FARP1: variants seen among roughly 807,000 people sequenced by gnomAD.
The protein encoded by FARP1 is FERM, ARH/RhoGEF and pleckstrin domain protein 1.
In FARP1, 52 loss-of-function variants were observed where a neutral mutation model predicts 128.8. The ratio of observed to expected loss-of-function variants is 0.40; its 90% CI spans 0.32 to 0.51. The LOEUF is 0.51. Ranked by LOEUF, FARP1 falls within the 20% of genes least tolerant of loss-of-function variation. FARP1 has a pLI of 0.45. For synonymous variants in FARP1, 580 were observed against 551.8 expected (o/e 1.05, Z -0.72); for missense variants, 1,333 against 1,367.9 (o/e 0.97, Z 0.40).
chr13:98,393,810 G>A (rs1419859251), intron 12 of FARP1, 92 bp downstream of exon 12: 4 of 935,370 alleles, frequency 4.3e-6, no homozygotes, highest in East Asian at 5.1e-5. Flanking sequence ...CTTGTTCTCT[G>A]TCCTTTCCTT....
chr13:98,450,405 C>T lies in FARP1; in HGVS notation c.*2088C>T, dbSNP rs943211289. The stretch of plus-strand genomic sequence containing the variant: ...ACAAAATGCTACATACAGAACCAAA[C>T]CAGCCACTTCACAAGAGCAATGCAG... On this transcript the variant is annotated 3_prime_UTR_variant, in exon 27 of 27. Coordinates refer to ENST00000319562, the MANE Select transcript of FARP1 (RefSeq NM_005766.4). 1 of 152,162 alleles carries T rather than the reference C, an allele frequency of 6.6e-6. No homozygotes were observed. The highest frequency in any genetic ancestry group is 6.5e-5 in the Admixed American group (1 of 15,276). The allele number at this position is 152,162 out of a possible 1,614,324, so 9.4% of individuals were successfully genotyped here. A position where few individuals can be genotyped will look rare whatever the true frequency, so the allele number is the denominator to read the frequency against.
At chr13:98,234,677 G>A (rs1882319502) in intron 2 of FARP1, 1 of 152,162 alleles carries the variant, frequency 6.6e-6, no homozygotes, top group Non-Finnish European at 1.5e-5. Flanking sequence ...TAAGTTAGAA[G>A]TATTGACAAG....
In FARP1 at chr13:98,314,016, C is replaced by T. The variant is rs566198526; in HGVS notation, c.172-29746C>T. Reference sequence around the variant, plus strand: ...CAGGTTGCCAAGGCTGCCCAAGCTACAGGTCCCTCTTGTGTAACACGGATT... The same window carrying T: ...CAGGTTGCCAAGGCTGCCCAAGCTATAGGTCCCTCTTGTGTAACACGGATT... On this transcript the variant is annotated intron_variant, in intron 2 of 26. Transcript: ENST00000319562. Among the ~76,000 whole-genome samples the T allele has an allele frequency of 2.0e-4, 30 of 152,326 alleles. No individual in the cohort carries two copies. The Middle Eastern group carries it at 0.01, about 52-fold the overall frequency.
chr13:98,226,706 T>C (rs548677688), intron 2 of FARP1, among the ~76,000 whole-genome samples: 2 of 152,292 alleles, frequency 1.3e-5, no homozygotes, highest in South Asian at 2.1e-4. Context: ...TTAAATCACA[T>C]GTATGTGTAC....
chr13:98,240,244 C>T (rs772586781), intron 2 of FARP1, among the ~76,000 whole-genome samples: 31 of 152,162 alleles, frequency 2.0e-4, no homozygotes, highest in Admixed American at 2.0e-3. Flanking sequence ...AAAAGGAACA[C>T]GCGATGACGA....
intron 16 of FARP1, among the ~76,000 whole-genome samples, chr13:98,416,263 A>T (rs893487022): frequency 3.3e-5 from 5 of 152,246 alleles, no homozygotes; most frequent in African/African-American, 1.2e-4. Context: ...ATGGAAAGAG[A>T]TCTAAAGTAT....
chr13:98,352,072 A>G (rs1888457317), intron 3 of FARP1, among the ~76,000 whole-genome samples: 1 of 152,132 alleles, frequency 6.6e-6, no homozygotes, highest in Non-Finnish European at 1.5e-5. Flanking sequence ...GATCTTCTCA[A>G]ACCCAAGGCC....
chr13:98,261,961 G>A (rs769771423), intron 2 of FARP1, among the ~76,000 whole-genome samples: 7 of 151,858 alleles, frequency 4.6e-5, no homozygotes, highest in Non-Finnish European at 1.0e-4. Context: ...TCCTTTAACT[G>A]CCCTCCTTGT....
intron 16 of FARP1, among the ~76,000 whole-genome samples, chr13:98,412,993 G>T (rs551478958): frequency 6.6e-6 from 1 of 152,342 alleles, no homozygotes; most frequent in Non-Finnish European, 1.5e-5. Flanking sequence ...GCCTGAAGGA[G>T]CCCTATGTGA....
intron 24 of FARP1, among the ~76,000 whole-genome samples, chr13:98,441,256 G>T (rs953778571): frequency 2.0e-5 from 3 of 152,192 alleles, no homozygotes; most frequent in Admixed American, 6.5e-5. Context: ...GAGTCTGCAC[G>T]ATGGCAAGCA....
chr13:98,415,985 G>T (rs957721748), intron 16 of FARP1, among the ~76,000 whole-genome samples: 1 of 152,288 alleles, frequency 6.6e-6, no homozygotes, highest in African/African-American at 2.4e-5. Flanking sequence ...AAATGGCACA[G>T]TGTCTGGAAG....
chr13:98,282,000 G>T (rs1884958436), intron 2 of FARP1, among the ~76,000 whole-genome samples: 1 of 152,164 alleles, frequency 6.6e-6, no homozygotes, highest in South Asian at 2.1e-4. Flanking sequence ...TTACTCCTTA[G>T]TTCCTCATTC....
At chr13:98,259,747 G>A (rs376390788) in intron 2 of FARP1, among the ~76,000 whole-genome samples, 1 of 152,082 alleles carries the variant, frequency 6.6e-6, no homozygotes, top group African/African-American at 2.4e-5. Flanking sequence ...AAGAGAAGGG[G>A]ACAGAGGTTG....
intron 2 of FARP1, among the ~76,000 whole-genome samples, chr13:98,230,058 A>G (rs912410861): frequency 6.6e-6 from 1 of 152,232 alleles, no homozygotes; most frequent in Non-Finnish European, 1.5e-5. Context: ...CTAGTACCGT[A>G]GGATAAATGA....
intron 1 of FARP1, among the ~76,000 whole-genome samples, chr13:98,188,354 C>T (rs1025617652): frequency 3.3e-5 from 5 of 152,138 alleles, no homozygotes; most frequent in South Asian, 2.1e-4. Flanking sequence ...GAGTTCGAGA[C>T]CAGCCTGACC....
At chr13:98,255,103 T>C (rs1371818806) in intron 2 of FARP1, among the ~76,000 whole-genome samples, 1 of 152,180 alleles carries the variant, frequency 6.6e-6, no homozygotes, top group Non-Finnish European at 1.5e-5. Context: ...GGAGGTCTCT[T>C]TTTAGGGCCC....
chr13:98,312,356 G>A (rs559690118), intron 2 of FARP1, among the ~76,000 whole-genome samples: 2 of 151,898 alleles, frequency 1.3e-5, no homozygotes, highest in Non-Finnish European at 2.9e-5. Flanking sequence ...AGCCAGGATG[G>A]TCTCAATCTC....
intron 3 of FARP1, among the ~76,000 whole-genome samples, chr13:98,363,670 C>T (rs538404964): frequency 2.0e-5 from 3 of 152,190 alleles, no homozygotes; most frequent in South Asian, 2.1e-4. Flanking sequence ...AACTGTGTAC[C>T]CTGCCTTGCC....
intron 16 of FARP1, among the ~76,000 whole-genome samples, chr13:98,412,813 A>G (rs527922701): frequency 3.9e-5 from 6 of 152,368 alleles, no homozygotes; most frequent in African/African-American, 1.2e-4. Context: ...AGACAATTAT[A>G]TGGAGAGAGA....
Sources: allele counts gnomAD v4.1 joint callset (sites outside exome capture counted in the v4.1 genomes callset), GRCh38; gene constraint gnomAD v4.1.1; transcripts MANE v1.5; gene names NCBI Gene and HGNC (gene_info 2026-07-23, HGNC 2026-07-21).